Variants in SIPA1 observed in about 807,000 individuals in gnomAD.
The protein encoded by SIPA1 is signal-induced proliferation-associated protein 1.
In SIPA1, 51 loss-of-function variants were observed where a neutral mutation model predicts 88.1. The ratio of observed to expected loss-of-function variants is 0.58; its 90% confidence interval spans 0.46 to 0.73. SIPA1 has a LOEUF of 0.73. SIPA1 is among the 30% of genes least tolerant of loss of function. The probability of loss-of-function intolerance (pLI) is 0.00; values close to 1 mark genes in which losing one functional copy is unlikely to be tolerated. For synonymous variants in SIPA1, 681 were observed against 664.8 expected, an observed-to-expected ratio of 1.02 and a Z score of -0.37; for missense variants, 1,348 against 1,467.6, an observed-to-expected ratio of 0.92 and a Z score of 1.33.
At chr11:65,650,332 G>A in intron 14 of SIPA1, 69 bp from the exon 15 acceptor site, 1 of 1,567,600 alleles carries the variant, frequency 6.4e-7, no homozygotes, top group Non-Finnish European at 8.8e-7. Context: ...TCATTAGCTG[G>A]GGCTGGGAGT....
chr11:65,649,719 TG>T, intron 11 of SIPA1, 37 bp from the exon 12 acceptor site: 1 of 1,613,836 alleles, frequency 6.2e-7, no homozygotes, highest in Non-Finnish European at 8.5e-7. Context: ...GTGGTGACAG[TG>T]GGCATCACTG....
rs893615554 is a variant in SIPA1 at position 65,640,865 on chromosome 11, C to T, written c.-57C>T. On this transcript the variant is annotated 5_prime_UTR_variant, in exon 2 of 16. Coordinates refer to ENST00000534313, the MANE Select transcript of SIPA1 (RefSeq NM_006747.4). Reference sequence around the variant, plus strand: ...TGCTGCCACAACCTCAGGCTGGGCACCAAACACCCGTGCCCGCCAATGCGG... The same window carrying T: ...TGCTGCCACAACCTCAGGCTGGGCATCAAACACCCGTGCCCGCCAATGCGG... The T allele has an allele frequency of 2.7e-5, 38 of 1,405,950 alleles. No individual in the cohort carries two copies. The East Asian group carries it at 6.4e-4, about 24-fold the overall frequency. The allele number at this position is 1,405,950 out of a possible 1,614,324, so 87.1% of individuals were successfully genotyped here.
At position 65,642,681 on chromosome 11, in the gene SIPA1, CCA is replaced by C; in HGVS notation, c.984+43_984+44del. 1 of 1,463,830 alleles carries C rather than the reference CCA, an allele frequency of 6.8e-7. No homozygotes were observed. The highest frequency in any genetic ancestry group is 1.3e-5 in the South Asian group (1 of 75,190). The allele number at this position is 1,463,830 out of a possible 1,614,324, so 90.7% of individuals were successfully genotyped here. Reference sequence around the variant, plus strand: ...GGAGCCCCCAGCCATACAGCTGGCCCCAGTCTGAACCCAGCCTGCCCAGCTCC... The same window carrying C: ...GGAGCCCCCAGCCATACAGCTGGCCCGTCTGAACCCAGCCTGCCCAGCTCC... On this transcript the variant is annotated intron_variant, in intron 4 of 15. Transcript: ENST00000534313. The surrounding 1 kb of genome is among the most constrained non-coding windows in gnomAD (Gnocchi z 6.5).
rs746569018 is a variant in SIPA1, at chr11:65,650,625, CCGG to C, written c.3044_3046del (p.Arg1015del). ...AGGTGCGGAGCCTGAGACACAACAA[CCGG>C]CGGCTGCAGGCGGAGTCTGAGAGTG... On this transcript the variant is annotated inframe_deletion, in exon 16 of 16. Transcript: ENST00000534313. 6.3e-7 allele frequency: 1 copy of C among 1,576,842 alleles called. No individual in the cohort carries two copies. The highest frequency in any genetic ancestry group is 8.6e-7 in the Non-Finnish European group (1 of 1,161,104).
rs1261065644 is a variant in SIPA1 at position 65,646,124 on chromosome 11, G to C, written c.1264-97G>C. On this transcript the variant is annotated intron_variant, in intron 6 of 15. Coordinates refer to ENST00000534313, the MANE Select transcript of SIPA1 (RefSeq NM_006747.4). This position sits in a 1 kb window ranked among gnomAD's most constrained non-coding sequence, Gnocchi z 7.5. Reference sequence around the variant, plus strand: ...ACCCTAGGTCTTCACCAGGGGCAGTGGGGGAGCCATTGGTGCCTTGGCTTT... The same window carrying C: ...ACCCTAGGTCTTCACCAGGGGCAGTCGGGGAGCCATTGGTGCCTTGGCTTT... The C allele has an allele frequency of 1.4e-6, 2 of 1,447,734 alleles. No homozygotes were observed. Among genetic ancestry groups the C allele is most frequent in the East Asian group, 4.6e-5 (2 of 43,842 alleles). 89.7% of individuals were successfully genotyped at this position (1,447,734 alleles called of 1,614,324 possible). A position where few individuals can be genotyped will look rare whatever the true frequency, so the allele number is the denominator to read the frequency against.
chr11:65,641,125 C>T lies in SIPA1; in HGVS notation c.204C>T (p.Pro68=). 6.2e-7 allele frequency: 1 copy of T among 1,602,502 alleles called. No individual in the cohort carries two copies. Among genetic ancestry groups the T allele is most frequent in the Non-Finnish European group, 8.5e-7 (1 of 1,179,190 alleles). The change falls in exon 2 of 16, where the codon CCC becomes CCT. Residue 68 remains proline (P), a synonymous_variant. Transcript: ENST00000534313. The part of the protein sequence containing the change: ...GEARPPTPAS[P]RARAHSHEEA... ...CCAGGCCCCCCACGCCAGCCAGCCC[C>T]CGTGCCCGTGCCCACAGCCACGAAG...
At chr11:65,644,909 G>A in intron 4 of SIPA1, 46 bp from the exon 5 acceptor site, 1 of 1,566,652 alleles carries the variant, frequency 6.4e-7, no homozygotes, top group Non-Finnish European at 8.7e-7. Context: ...TGGTGGGGTG[G>A]GGCTGCAGGG....
At position 65,645,138 on chromosome 11, in the gene SIPA1, C is replaced by G. The variant is rs1231746067; in HGVS notation, c.1159+9C>G. On this transcript the variant is annotated intron_variant, in intron 5 of 15. Transcript: ENST00000534313. ...CCAGCTAGACACCAAAAGTGAGGCC[C>G]AGGGGCAGGAGGGGTGGGAGCAGAT... The G allele has an allele frequency of 6.2e-7, 1 of 1,612,048 alleles. No homozygotes were observed. Among genetic ancestry groups the G allele is most frequent in the South Asian group, 1.1e-5 (1 of 90,890 alleles).
rs1182387721 is a variant in SIPA1, at chr11:65,649,712, G to C, written c.2637+40G>C. 6 of 1,613,788 alleles carry C rather than the reference G, an allele frequency of 3.7e-6. No individual in the cohort carries two copies. In the African/African-American group the frequency reaches 6.7e-5, roughly 18 times the overall value. The stretch of plus-strand genomic sequence containing the variant: ...GGCTCTGGAGCCCAACAGCACAGTG[G>C]TGACAGTGGGCATCACTGAATCTGT... On this transcript the variant is annotated intron_variant, in intron 11 of 15. Transcript: ENST00000534313.
At chr11:65,644,377 G>A (rs1004343634) in intron 4 of SIPA1, among the ~76,000 whole-genome samples, 1 of 151,694 alleles carries the variant, frequency 6.6e-6, no homozygotes, top group African/African-American at 2.4e-5. Flanking sequence ...CCACATCTGG[G>A]GACCATATGG....
rs1437193208 is a variant in SIPA1 at position 65,650,657 on chromosome 11, C to T, written c.3071C>T (p.Ala1024Val). The stretch of plus-strand genomic sequence containing the variant: ...CTGCAGGCGGAGTCTGAGAGTGCAG[C>T]CACACGCCTCCTCCTGGCCTCCAAG... ...RRLQAESESAATRLLLASKQL... is the reference protein window; with the variant it reads ...RRLQAESESAVTRLLLASKQL... The change falls in exon 16 of 16, where the codon GCC becomes GTC. Residue 1024 changes from alanine to valine, a missense_variant. Physicochemically the swap from Ala to Val is moderately conservative, Grantham distance 64. Coordinates refer to ENST00000534313, the MANE Select transcript of SIPA1 (RefSeq NM_006747.4). 1 of 1,574,156 alleles carries T rather than the reference C, an allele frequency of 6.4e-7. No homozygotes were observed. Among genetic ancestry groups the T allele is most frequent in the Non-Finnish European group, 8.6e-7 (1 of 1,159,896 alleles).
rs1327872995 is a variant in SIPA1 at position 65,638,121 on chromosome 11, T to TAGCGGGAGAGCGGC, written c.-145_-132dup. The TAGCGGGAGAGCGGC allele has an allele frequency of 6.6e-6, 1 of 151,982 alleles. No homozygotes were observed. The highest frequency in any genetic ancestry group is 2.4e-5 in the African/African-American group (1 of 41,370). The allele number at this position is 151,982 out of a possible 1,614,324, so 9.4% of individuals were successfully genotyped here. On this transcript the variant is annotated 5_prime_UTR_variant, in exon 1 of 16. Coordinates refer to ENST00000534313, the MANE Select transcript of SIPA1 (RefSeq NM_006747.4). ...CAGGCGGAGCCGGCGCCGGGAGCGG[T>TAGCGGGAGAGCGGC]AGCGGGAGAGCGGCAGCGGGACCCC...
Position 65,641,141 on chromosome 11 carries a change from A to G in SIPA1, c.220A>G (p.Ser74Gly). ...AGCCAGCCCCCGTGCCCGTGCCCAC[A>G]GCCACGAAGAGGCCAGCCGACCTGC... is the stretch of plus-strand genomic sequence containing the variant. ...TPASPRARAH[S>G]HEEASRPAAT... Residue 74 changes from serine (S) to glycine (G), a missense_variant, in exon 2 of 16, where the codon AGC (serine) becomes GGC (glycine). By Grantham distance (56) the Ser-to-Gly change is moderately conservative (BLOSUM62 0). Transcript: ENST00000534313. 1.2e-6 allele frequency: 2 copies of G among 1,604,360 alleles called. No homozygotes were observed. Among genetic ancestry groups the G allele is most frequent in the East Asian group, 4.5e-5 (2 of 44,870 alleles).
chr11:65,640,811 G>A lies in SIPA1; in HGVS notation c.-91-20G>A. 4 of 1,006,696 alleles carry A rather than the reference G, an allele frequency of 4.0e-6. No individual in the cohort carries two copies. The highest frequency in any genetic ancestry group is 5.5e-6 in the Non-Finnish European group (4 of 722,328). The allele number at this position is 1,006,696 out of a possible 1,614,324, so 62.4% of individuals were successfully genotyped here. A position where few individuals can be genotyped will look rare whatever the true frequency, so the allele number is the denominator to read the frequency against. ...CTGTTTTCTGCCCAGGCCCCTCTGA[G>A]CAGCCCCCTCCTCCTTCAGGGCAGG... On this transcript the variant is annotated intron_variant, in intron 1 of 15. Coordinates refer to ENST00000534313, the MANE Select transcript of SIPA1 (RefSeq NM_006747.4).
intron 9 of SIPA1, among the ~76,000 whole-genome samples, chr11:65,648,626 G>C (rs981831753): frequency 6.6e-6 from 1 of 152,108 alleles, no homozygotes; most frequent in Non-Finnish European, 1.5e-5. Flanking sequence ...CTGAGGTCAG[G>C]AGTTCGAGAC....
chr11:65,642,335 G>T lies in SIPA1; in HGVS notation c.765G>T (p.Gly255=). Residue 255 remains glycine, a synonymous_variant, in exon 3 of 16, where the codon GGG becomes GGT. Transcript: ENST00000534313. This position sits in a 1 kb window ranked among gnomAD's most constrained non-coding sequence, Gnocchi z 6.5. ...LRREEKEGSG[G]GTLHSYRVIV... ...GGGAGGAGAAGGAGGGCAGCGGAGG[G>T]GGCACCCTGCACAGCTACCGCGTCA... The T allele has an allele frequency of 6.4e-7, 1 of 1,558,412 alleles. No homozygotes were observed. The highest frequency in any genetic ancestry group is 8.7e-7 in the Non-Finnish European group (1 of 1,152,800).
At position 65,641,487 on chromosome 11, in the gene SIPA1, T is replaced by G. The variant is rs1856003484; in HGVS notation, c.566T>G (p.Leu189Arg). 1 of 1,612,210 alleles carries G rather than the reference T, an allele frequency of 6.2e-7. No individual in the cohort carries two copies. The highest frequency in any genetic ancestry group is 1.1e-5 in the South Asian group (1 of 91,086). Residue 189 changes from leucine to arginine, a missense_variant, in exon 2 of 16, where the codon CTG becomes CGG. Coordinates refer to ENST00000534313, the MANE Select transcript of SIPA1 (RefSeq NM_006747.4). The stretch of plus-strand genomic sequence containing the variant: ...GCATCCCCACCTGTGCCCCCTGCAC[T>G]GCCCAACGCGGCCGTGTCCATCCTG... ...GPASPPVPPALPNAAVSILEE... is the reference protein window; with the variant it reads ...GPASPPVPPARPNAAVSILEE...
chr11:65,645,465 GTGT>G (rs1459418949), intron 5 of SIPA1, among the ~76,000 whole-genome samples: 5 of 152,040 alleles, frequency 3.3e-5, no homozygotes, highest in Non-Finnish European at 7.4e-5. Flanking sequence ...CCCCTGGGAG[GTGT>G]TGTACTGAGC....
At position 65,647,431 on chromosome 11, in the gene SIPA1, C is replaced by T; in HGVS notation, c.2079C>T (p.Asp693=). 6.8e-7 allele frequency: 1 copy of T among 1,478,144 alleles called. No homozygotes were observed. The highest frequency in any genetic ancestry group is 8.9e-7 in the Non-Finnish European group (1 of 1,122,196). 91.6% of individuals were successfully genotyped at this position (1,478,144 alleles called of 1,614,324 possible). The change falls in exon 9 of 16, where the codon GAC becomes GAT. Residue 693 remains aspartate, a synonymous_variant. Coordinates refer to ENST00000534313, the MANE Select transcript of SIPA1 (RefSeq NM_006747.4). ...CCCGCGAGCTGGCGCTGCCCCGCGA[C>T]GGTCAAGGCCGCCTGGGCTTCGAGG... is the stretch of plus-strand genomic sequence containing the variant. ...CETRELALPR[D]GQGRLGFEVD...
Sources: allele counts gnomAD v4.1 joint callset (sites outside exome capture counted in the v4.1 genomes callset), GRCh38; gene constraint gnomAD v4.1.1; non-coding constraint Gnocchi (gnomAD v3.1); transcripts MANE v1.5; gene names NCBI Gene and HGNC (gene_info 2026-07-23, HGNC 2026-07-21).